The following FGF13 variants were observed in gnomAD, a reference collection of about 807,000 sequenced individuals.
FGF13 encodes fibroblast growth factor 13, also known as fibroblast growth factor homologous factor 2.
FGF13 carries 2 observed loss-of-function variants against 19.5 expected under a neutral mutation model. That is an observed-to-expected ratio of 0.10 (90% CI 0.04 to 0.32). The LOEUF (loss-of-function observed/expected upper bound fraction) is 0.32. FGF13 is among the 10% of genes least tolerant of loss of function. The probability of loss-of-function intolerance (pLI) is 1.00; values close to 1 mark genes in which losing one functional copy is unlikely to be tolerated. For synonymous variants in FGF13, 72 were observed against 76.9 expected (o/e 0.94, Z 0.33); for missense variants, 113 against 192.7 (o/e 0.59, Z 2.45).
At chrX:138,829,355 C>T (rs919688754) in intron 3 of FGF13, among the ~76,000 whole-genome samples, 3 of 111,137 alleles carry the variant, frequency 2.7e-5, no homozygotes, top group Admixed American at 9.6e-5. Context: ...TATTACTCTA[C>T]TGGTTCCCAA....
intron 3 of FGF13, among the ~76,000 whole-genome samples, chrX:138,818,499 G>GAC (rs371760908): frequency 0.086 from 7,302 of 84,609 alleles, 295 homozygotes; most frequent in African/African-American, 0.11. Context: ...TATATGCACA[G>GAC]ACACACACAC....
intron 3 of FGF13, chrX:138,807,208 A>C (rs776808643): frequency 4.5e-5 from 5 of 111,464 alleles, no homozygotes; most frequent in Non-Finnish European, 7.5e-5. Context: ...CTAGCAAAAA[A>C]AAAATGAATG....
intron 3 of FGF13, among the ~76,000 whole-genome samples, chrX:138,830,277 G>C (rs1361971598): frequency 9.0e-6 from 1 of 111,613 alleles, no homozygotes; most frequent in African/African-American, 3.3e-5. Context: ...GAGAGCTATA[G>C]GAGAAGTTCA....
intron 3 of FGF13, among the ~76,000 whole-genome samples, chrX:138,838,351 G>A (rs750411156): frequency 4.6e-4 from 51 of 111,784 alleles, no homozygotes; most frequent in African/African-American, 1.6e-3. Context: ...AAAGCTCCTG[G>A]GTCTCCACAT....
chrX:138,798,616 A>G (rs766905068), intron 3 of FGF13, among the ~76,000 whole-genome samples: 1 of 111,312 alleles, frequency 9.0e-6, no homozygotes, highest in East Asian at 2.8e-4. Context: ...TTTTTTATTG[A>G]TTGGAATAGT....
chrX:138,812,238 A>G (rs2090931668), intron 3 of FGF13, among the ~76,000 whole-genome samples: 1 of 111,869 alleles, frequency 8.9e-6, no homozygotes. Flanking sequence ...CGGCATGCAT[A>G]ATATTTCAGT....
intron 1 of FGF13, among the ~76,000 whole-genome samples, chrX:139,145,686 C>G (rs1380798867): frequency 1.8e-5 from 2 of 110,611 alleles, no homozygotes; most frequent in African/African-American, 6.6e-5. Flanking sequence ...TGCCTCCACT[C>G]TCCACCTTCC....
At chrX:139,189,247 T>C (rs969791466) in intron 1 of FGF13, among the ~76,000 whole-genome samples, 6 of 111,550 alleles carry the variant, frequency 5.4e-5, no homozygotes, top group African/African-American at 9.8e-5. Context: ...TTATTCACCA[T>C]GTTATTTTAA....
At chrX:139,065,137 A>G (rs1277215767) in intron 1 of FGF13, among the ~76,000 whole-genome samples, 1 of 110,753 alleles carries the variant, frequency 9.0e-6, no homozygotes, top group Admixed American at 9.7e-5. Flanking sequence ...CCTGCCTTAC[A>G]AGAGCTCCTG....
chrX:138,773,449 T>C (rs1414290126), intron 3 of FGF13, among the ~76,000 whole-genome samples: 2 of 112,249 alleles, frequency 1.8e-5, no homozygotes, highest in Non-Finnish European at 3.8e-5. Flanking sequence ...TATTCCCACT[T>C]GGACGTTTTT....
chrX:139,135,541 T>C (rs2083792734), intron 1 of FGF13, among the ~76,000 whole-genome samples: 1 of 112,224 alleles, frequency 8.9e-6, no homozygotes, highest in South Asian at 3.7e-4. Flanking sequence ...AGTGTGTCTT[T>C]GCTAATTTAG....
At chrX:138,749,868 A>G (rs1395645506) in intron 3 of FGF13, among the ~76,000 whole-genome samples, 1 of 112,003 alleles carries the variant, frequency 8.9e-6, no homozygotes, top group Non-Finnish European at 1.9e-5. Context: ...ATGGGGAACC[A>G]TGCTAGGCCT....
At chrX:138,837,698 AAAG>A (rs1391015598) in intron 3 of FGF13, among the ~76,000 whole-genome samples, 2 of 111,694 alleles carry the variant, frequency 1.8e-5, no homozygotes, top group African/African-American at 6.5e-5. Context: ...GGACCTGCTT[AAAG>A]AAGAAGTCTG....
chrX:138,853,566 T>G (rs1434949341), downstream of FGF13, among the ~76,000 whole-genome samples: 1 of 110,574 alleles, frequency 9.0e-6, no homozygotes, highest in Non-Finnish European at 1.9e-5. Context: ...GCTCTCTGAA[T>G]AAAAAGGTTA....
rs143328981 is a variant in FGF13 at position 139,118,692 on chromosome X, A to G, written c.-113+84724T>C. 2.9e-3 allele frequency among the ~76,000 whole-genome samples: 325 copies of G among 111,256 alleles called. 3 individuals carry two copies. Among genetic ancestry groups the G allele is most frequent in the African/African-American group, 9.2e-3 (281 of 30,543 alleles). ...CCTCAGAAACCTGTTAAAGGATACAAACTGGTCTGTTCATCACCACCAGAA... is the reference window on the plus strand; with the variant it reads ...CCTCAGAAACCTGTTAAAGGATACAGACTGGTCTGTTCATCACCACCAGAA... On this transcript the variant is annotated intron_variant, in intron 1 of 2. Transcript: ENST00000421460.
At chrX:139,188,317 G>C (rs759684265) in intron 1 of FGF13, among the ~76,000 whole-genome samples, 59 of 112,297 alleles carry the variant, frequency 5.3e-4, no homozygotes, top group African/African-American at 1.9e-3. Context: ...CAGGCTTTCT[G>C]CCCACCAATG....
rs142015396 is a variant in FGF13 at position 138,960,293 on chromosome X, C to T, written c.-112-95643G>A. ...CCATCACTTATGAAACTTAGTTTGG[C>T]TGGATATGAAATTCTGGGTTGAAAA... On this transcript the variant is annotated intron_variant, in intron 1 of 2. Transcript: ENST00000421460. Among the ~76,000 whole-genome samples, 359 of 111,717 alleles carry T rather than the reference C, an allele frequency of 3.2e-3. 1 individual carries two copies. Among genetic ancestry groups the T allele is most frequent in the African/African-American group, 0.011 (334 of 30,783 alleles).
intron 1 of FGF13, chrX:138,984,974 G>A: frequency 3.0e-6 from 1 of 337,107 alleles, no homozygotes; most frequent in Non-Finnish European, 6.0e-6. Context: ...GCAGTTTGGG[G>A]GAATATTAAT....
chrX:138,942,107 G>T (rs138372209), intron 1 of FGF13, among the ~76,000 whole-genome samples: 1 of 111,931 alleles, frequency 8.9e-6, no homozygotes, highest in African/African-American at 3.3e-5. Context: ...GATATGTCTC[G>T]CATGGGGAGA....
Sources: allele counts gnomAD v4.1 joint callset (sites outside exome capture counted in the v4.1 genomes callset), GRCh38; gene constraint gnomAD v4.1.1; transcripts MANE v1.5; gene names NCBI Gene and HGNC (gene_info 2026-07-23, HGNC 2026-07-21).